Variants in CCND2 observed in about 807,000 individuals in gnomAD.
The protein encoded by CCND2 is cyclin D2.
Under a neutral mutation model 30.2 loss-of-function variants are expected in CCND2, and 6 were observed. The observed-to-expected ratio is 0.20, with a 90% CI of 0.11 to 0.39. The LOEUF is 0.39. Ranked by LOEUF, CCND2 falls within the 10% of genes least tolerant of loss-of-function variation. The pLI, the probability that CCND2 is intolerant of heterozygous loss-of-function variation, is 1.00. For missense variants in CCND2, 235 were observed against 373.4 expected (o/e 0.63, Z 3.06); for synonymous variants, 150 against 153.1 (o/e 0.98, Z 0.15).
chr12:4,304,372 C>G lies in CCND2; in HGVS notation c.*4363C>G, dbSNP rs115254226. The G allele has an allele frequency of 2.5e-3, 592 of 233,602 alleles. 5 individuals are homozygous for G. The highest frequency in any genetic ancestry group is 0.012 in the African/African-American group (549 of 45,436). The allele number at this position is 233,602 out of a possible 1,614,324, so 14.5% of individuals were successfully genotyped here. ...ATTAATGCTGAGATGATAAAGTCCC[C>G]TTAAGCCAACAAACCCTCTGTAGCT... On this transcript the variant is annotated 3_prime_UTR_variant, in exon 5 of 5. Transcript: ENST00000261254. This position sits in a 1 kb window ranked among gnomAD's most constrained non-coding sequence, Gnocchi z 6.2.
In CCND2 at chr12:4,276,792, G is replaced by A. The variant is rs1376721908; in HGVS notation, c.411+572G>A. Among the ~76,000 whole-genome samples, 1 of 152,168 alleles carries A rather than the reference G, an allele frequency of 6.6e-6. No homozygotes were observed. The highest frequency in any genetic ancestry group is 1.5e-5 in the Non-Finnish European group (1 of 68,026). ...GAGGCCTGGGTTCCTACCTCCAGTG[G>A]GACTGTGACCTCTGTACAACCCCAG... On this transcript the variant is annotated intron_variant, in intron 2 of 4. Coordinates refer to ENST00000261254, the MANE Select transcript of CCND2 (RefSeq NM_001759.4). This position sits in a 1 kb window ranked among gnomAD's most constrained non-coding sequence, Gnocchi z 4.8.
intron 3 of CCND2, among the ~76,000 whole-genome samples, chr12:4,284,983 AC>A: frequency 6.6e-6 from 1 of 151,738 alleles, no homozygotes; most frequent in African/African-American, 2.4e-5. Context: ...TCATCTGCCC[AC>A]CTCGGCCTCC....
At chr12:4,278,018 A>C (rs1226047310) in intron 2 of CCND2, among the ~76,000 whole-genome samples, 1 of 152,224 alleles carries the variant, frequency 6.6e-6, no homozygotes, top group Non-Finnish European at 1.5e-5. Context: ...CCACACTTGC[A>C]CTGAGGGATG....
At chr12:4,278,017 C>G (rs191184632) in intron 2 of CCND2, among the ~76,000 whole-genome samples, 1 of 152,342 alleles carries the variant, frequency 6.6e-6, no homozygotes, top group African/African-American at 2.4e-5. Context: ...CCCACACTTG[C>G]ACTGAGGGAT....
At chr12:4,298,938 G>A (rs1406806817) in intron 4 of CCND2, among the ~76,000 whole-genome samples, 1 of 152,210 alleles carries the variant, frequency 6.6e-6, no homozygotes, top group African/African-American at 2.4e-5. Context: ...ACTAAAGCAA[G>A]GCTGCATATT....
intron 4 of CCND2, among the ~76,000 whole-genome samples, chr12:4,290,307 T>C (rs1303533562): frequency 6.6e-6 from 1 of 152,178 alleles, no homozygotes; most frequent in Non-Finnish European, 1.5e-5. Context: ...AGATATGGTT[T>C]TAAAATGCGG....
At chr12:4,283,890 C>A (rs1050730925) in intron 3 of CCND2, among the ~76,000 whole-genome samples, 1 of 152,240 alleles carries the variant, frequency 6.6e-6, no homozygotes, top group African/African-American at 2.4e-5. Context: ...TGTGGGGCTG[C>A]ACTTTCTCCC....
chr12:4,283,211 G>T (rs1863974249), intron 3 of CCND2, among the ~76,000 whole-genome samples: 1 of 152,194 alleles, frequency 6.6e-6, no homozygotes, highest in African/African-American at 2.4e-5. Flanking sequence ...CCATGCCCAG[G>T]TGAGGGAGCC....
In CCND2 at chr12:4,273,781, A is replaced by G; in HGVS notation, c.-260A>G. The stretch of plus-strand genomic sequence containing the variant: ...CGCTTCAGAGCGGAGAAGAGCGAGC[A>G]GGGGAGAGCGAGACCAGTTTTAAGG... On this transcript the variant is annotated 5_prime_UTR_variant, in exon 1 of 5. Coordinates refer to ENST00000261254, the MANE Select transcript of CCND2 (RefSeq NM_001759.4). This position sits in a 1 kb window ranked among gnomAD's most constrained non-coding sequence, Gnocchi z 5.9. 1 of 546,406 alleles carries G rather than the reference A, an allele frequency of 1.8e-6. No individual in the cohort carries two copies. Among genetic ancestry groups the G allele is most frequent in the Non-Finnish European group, 3.2e-6 (1 of 308,192 alleles). 33.8% of individuals were successfully genotyped at this position (546,406 alleles called of 1,614,324 possible). A position where few individuals can be genotyped will look rare whatever the true frequency, so the allele number is the denominator to read the frequency against.
In CCND2 at chr12:4,274,196, AC is replaced by A. The variant is rs2120513929; in HGVS notation, c.159del (p.Tyr54ThrfsTer28). ...TCAAGTGCGTGCAGAAGGACATCCA[AC>A]CCTACATGCGCAGAATGGTGGCCAC... The part of the protein sequence containing the change: ...YFKCVQKDIQ[P>X]YMRRMVATWM... On this transcript the variant is annotated frameshift_variant, in exon 1 of 5. Transcript: ENST00000261254. LOFTEE classifies it high-confidence loss of function. The surrounding 1 kb of genome is among the most constrained non-coding windows in gnomAD (Gnocchi z 7.7). 6.2e-7 allele frequency: 1 copy of A among 1,613,912 alleles called. No individual in the cohort carries two copies. The highest frequency in any genetic ancestry group is 1.3e-5 in the African/African-American group (1 of 74,982).
chr12:4,299,326 C>T lies in CCND2; in HGVS notation c.721-534C>T, dbSNP rs982996844. On this transcript the variant is annotated intron_variant, in intron 4 of 4. Transcript: ENST00000261254. The surrounding 1 kb of genome is among the most constrained non-coding windows in gnomAD (Gnocchi z 5.2). ...AGTGAGCCGAGATTGTGCCAGTGCA[C>T]TCCAGCCTGGGGGACAGAGTGAGAA... Among the ~76,000 whole-genome samples the T allele has an allele frequency of 1.3e-5, 2 of 152,238 alleles. No homozygotes were observed. Among genetic ancestry groups the T allele is most frequent in the African/African-American group, 2.4e-5 (1 of 41,468 alleles).
At position 4,293,956 on chromosome 12, in the gene CCND2, A is replaced by T. The variant is rs1240403754; in HGVS notation, c.720+4966A>T. 6.6e-6 allele frequency among the ~76,000 whole-genome samples: 1 copy of T among 152,074 alleles called. No homozygotes were observed. Among genetic ancestry groups the T allele is most frequent in the African/African-American group, 2.4e-5 (1 of 41,414 alleles). ...CATTTTTCTGTGGGCCTCATTTGGT[A>T]TGCAAGGAAATAAGCCAAACAGCCT... On this transcript the variant is annotated intron_variant, in intron 4 of 4. Transcript: ENST00000261254. The surrounding 1 kb of genome is among the most constrained non-coding windows in gnomAD (Gnocchi z 4.9).
chr12:4,297,456 A>G (rs1021548262), intron 4 of CCND2, among the ~76,000 whole-genome samples: 1 of 151,214 alleles, frequency 6.6e-6, no homozygotes, highest in Non-Finnish European at 1.5e-5. Flanking sequence ...CTATAATCCC[A>G]GCTGCTCGGG....
chr12:4,297,028 C>A (rs1359152559), intron 4 of CCND2, among the ~76,000 whole-genome samples: 1 of 152,122 alleles, frequency 6.6e-6, no homozygotes, highest in African/African-American at 2.4e-5. Flanking sequence ...AACTCCTTCA[C>A]ACGGTGCTCA....
intron 3 of CCND2, among the ~76,000 whole-genome samples, chr12:4,280,476 G>A (rs1257113733): frequency 1.3e-5 from 2 of 152,274 alleles, no homozygotes; most frequent in Non-Finnish European, 2.9e-5. Flanking sequence ...TGCGCCCTGT[G>A]CCCCTTGGTG....
intron 4 of CCND2, among the ~76,000 whole-genome samples, chr12:4,292,764 G>A (rs1479370200): frequency 6.6e-6 from 1 of 152,126 alleles, no homozygotes; most frequent in Non-Finnish European, 1.5e-5. Flanking sequence ...GGCTGTAGGG[G>A]GGACGTCTAT....
In CCND2 at chr12:4,299,815, T is replaced by C; in HGVS notation, c.721-45T>C. The C allele has an allele frequency of 6.3e-7, 1 of 1,589,478 alleles. No individual in the cohort carries two copies. The highest frequency in any genetic ancestry group is 8.6e-7 in the Non-Finnish European group (1 of 1,161,712). ...TGTTTTCTCCGTAGGATGCTCTATG[T>C]CCTGTTCCTCTTACTAACAACTCTG... On this transcript the variant is annotated intron_variant, in intron 4 of 4. Transcript: ENST00000261254. The surrounding 1 kb of genome is among the most constrained non-coding windows in gnomAD (Gnocchi z 5.2).
rs959992408 is a variant in CCND2, at chr12:4,304,459, C to A, written c.*4450C>A. On this transcript the variant is annotated 3_prime_UTR_variant, in exon 5 of 5. Transcript: ENST00000261254. The surrounding 1 kb of genome is among the most constrained non-coding windows in gnomAD (Gnocchi z 6.2). ...GAGCAATTTACAAGAGCTGTTCATG[C>A]AGCCATCCATTTGTGCAAAATAGGG... 4.3e-6 allele frequency: 1 copy of A among 233,550 alleles called. No homozygotes were observed. Among genetic ancestry groups the A allele is most frequent in the Non-Finnish European group, 8.5e-6 (1 of 118,024 alleles). The allele number at this position is 233,550 out of a possible 1,614,324, so 14.5% of individuals were successfully genotyped here.
At position 4,304,480 on chromosome 12, in the gene CCND2, T is replaced by C. The variant is rs71579230; in HGVS notation, c.*4471T>C. On this transcript the variant is annotated 3_prime_UTR_variant, in exon 5 of 5. Transcript: ENST00000261254. The surrounding 1 kb of genome is among the most constrained non-coding windows in gnomAD (Gnocchi z 6.2). ...CATGCAGCCATCCATTTGTGCAAAA[T>C]AGGGTAAGAAGATTCAAGAGGATAT... 90 of 233,628 alleles carry C rather than the reference T, an allele frequency of 3.9e-4. No homozygotes were observed. The highest frequency in any genetic ancestry group is 3.8e-3 in the Middle Eastern group (3 of 786). The allele number at this position is 233,628 out of a possible 1,614,324, so 14.5% of individuals were successfully genotyped here.
Sources: allele counts gnomAD v4.1 joint callset (sites outside exome capture counted in the v4.1 genomes callset), GRCh38; gene constraint gnomAD v4.1.1; non-coding constraint Gnocchi (gnomAD v3.1); transcripts MANE v1.5; gene names NCBI Gene and HGNC (gene_info 2026-07-23, HGNC 2026-07-21).